ZCRB1: variants seen among roughly 807,000 people sequenced by gnomAD.
The protein encoded by ZCRB1 is zinc finger CCHC-type and RNA binding motif containing 1.
ZCRB1 carries 21 observed loss-of-function variants against 29.9 expected under a neutral mutation model. The observed-to-expected ratio is 0.70, with a 90% confidence interval of 0.50 to 1.01. The LOEUF (loss-of-function observed/expected upper bound fraction) is 1.01. Ranked by LOEUF, ZCRB1 falls within the 50% of genes least tolerant of loss-of-function variation. ZCRB1 has a pLI of 0.00. For synonymous variants in ZCRB1, 77 were observed against 80.0 expected (o/e 0.96, Z 0.20); for missense variants, 204 against 253.3 (o/e 0.81, Z 1.32).
chr12:42,323,637 CTTT>C (rs1225846952), intron 2 of ZCRB1: 7 of 152,654 alleles, frequency 4.6e-5, no homozygotes, highest in South Asian at 3.9e-4. Context: ...ATTTTTTTTT[CTTT>C]TTTTTTTTTG....
chr12:42,321,876 A>AC (rs1480366119), intron 3 of ZCRB1, among the ~76,000 whole-genome samples: 2 of 152,128 alleles, frequency 1.3e-5, no homozygotes, highest in Non-Finnish European at 2.9e-5. Context: ...ATTGTTCCTA[A>AC]CCCTCAGCCC....
intron 3 of ZCRB1, among the ~76,000 whole-genome samples, chr12:42,320,916 C>G (rs185379953): frequency 2.6e-5 from 4 of 152,306 alleles, no homozygotes; most frequent in Admixed American, 6.5e-5. Flanking sequence ...AGATGAGGAA[C>G]CTGCTTCCAT....
intron 1 of ZCRB1, among the ~76,000 whole-genome samples, chr12:42,324,376 G>T (rs2068647459): frequency 6.6e-6 from 1 of 152,074 alleles, no homozygotes; most frequent in Admixed American, 6.5e-5. Flanking sequence ...TTGAACTCCT[G>T]ACCTCAAATG....
rs757235359 is a variant in ZCRB1 at position 42,317,406 on chromosome 12, A to G, written c.267T>C (p.Asn89=). ...RVIKASIAID[N]GRAAEFIRRR... is the part of the protein sequence containing the mutation. Reference sequence around the variant, plus strand: ...TTCGGATGAACTCAGCTGCTCTTCCATTGTCAATAGCAATGCTTGCTTTTA... The same window carrying G: ...TTCGGATGAACTCAGCTGCTCTTCCGTTGTCAATAGCAATGCTTGCTTTTA... Residue 89 remains asparagine (N), a synonymous_variant, in exon 5 of 8, where the codon AAT becomes AAC. Transcript: ENST00000266529. 24 of 1,612,752 alleles carry G rather than the reference A, an allele frequency of 1.5e-5. No individual in the cohort carries two copies. The Admixed American group carries it at 3.3e-4, about 22-fold the overall frequency.
At chr12:42,315,544 A>G (rs1347066569) in intron 5 of ZCRB1, among the ~76,000 whole-genome samples, 1 of 152,216 alleles carries the variant, frequency 6.6e-6, no homozygotes, top group Non-Finnish European at 1.5e-5. Flanking sequence ...CATACTAAAA[A>G]AGGATTTAAT....
chr12:42,322,587 A>C (rs1240345798), intron 2 of ZCRB1, 141 bp from the exon 3 acceptor site: 1 of 869,374 alleles, frequency 1.2e-6, no homozygotes, highest in Non-Finnish European at 1.6e-6. Flanking sequence ...CCCTAGGAAA[A>C]AGTTTTTTTT....
intron 7 of ZCRB1, among the ~76,000 whole-genome samples, chr12:42,313,489 T>A (rs2068579206): frequency 6.6e-6 from 1 of 152,174 alleles, no homozygotes; most frequent in Non-Finnish European, 1.5e-5. Context: ...GTAAGTGTTG[T>A]GGGGCCCTTA....
chr12:42,320,805 T>A (rs1389724701), intron 3 of ZCRB1, among the ~76,000 whole-genome samples: 1 of 152,196 alleles, frequency 6.6e-6, no homozygotes, highest in Non-Finnish European at 1.5e-5. Context: ...GAATAAACTT[T>A]AAAAAATTTA....
At chr12:42,325,243 C>T (rs1189866700) in intron 1 of ZCRB1, 1 of 152,028 alleles carries the variant, frequency 6.6e-6, no homozygotes, top group Non-Finnish European at 1.5e-5. Flanking sequence ...TGGCTGGGTA[C>T]CTTTTTTGCT....
rs1225797347 is a variant in ZCRB1, at chr12:42,312,918, T to C, written c.*149A>G. 7 of 882,974 alleles carry C rather than the reference T, an allele frequency of 7.9e-6. No individual in the cohort carries two copies. Among genetic ancestry groups the C allele is most frequent in the East Asian group, 3.3e-5 (1 of 30,120 alleles). The allele number at this position is 882,974 out of a possible 1,614,324, so 54.7% of individuals were successfully genotyped here. ...GAATAAAGCCCTTATAATGAACTTTTCAAATAAATTTTTAAAATATCTTTT... is the reference window on the plus strand; with the variant it reads ...GAATAAAGCCCTTATAATGAACTTTCCAAATAAATTTTTAAAATATCTTTT... On this transcript the variant is annotated 3_prime_UTR_variant, in exon 8 of 8. Coordinates refer to ENST00000266529, the MANE Select transcript of ZCRB1 (RefSeq NM_033114.4).
Position 42,324,027 on chromosome 12 carries a change from A to T in ZCRB1, c.76T>A (p.Leu26Met). The T allele has an allele frequency of 6.2e-7, 1 of 1,613,844 alleles. No individual in the cohort carries two copies. Among genetic ancestry groups the T allele is most frequent in the Middle Eastern group, 1.6e-4 (1 of 6,062 alleles). The stretch of plus-strand genomic sequence containing the variant: ...CGATAAGATTTACTTACCCGGTACA[A>T]GTCATTGTTTGTCAGGGAAAAAGGC... The part of the protein sequence containing the change: ...NLPFSLTNND[L>M]YRIFSKYGKV... The change falls in exon 2 of 8, where the codon TTG becomes ATG. Residue 26 changes from leucine (L) to methionine (M), a missense_variant. Physicochemically the swap from Leu to Met is conservative, Grantham distance 15. Coordinates refer to ENST00000266529, the MANE Select transcript of ZCRB1 (RefSeq NM_033114.4).
In ZCRB1 at chr12:42,313,207, C is replaced by A; in HGVS notation, c.523-9G>T. 1 of 1,596,056 alleles carries A rather than the reference C, an allele frequency of 6.3e-7. No individual in the cohort carries two copies. The highest frequency in any genetic ancestry group is 1.8e-5 in the Admixed American group (1 of 56,134). On this transcript the variant is annotated splice_polypyrimidine_tract_variant and intron_variant, in intron 7 of 7. Transcript: ENST00000266529. ...TCTTCAATTTTGGCTTGCTGTGATT[C>A]AAAAAACAAAACAAAACCAATAACC...
intron 1 of ZCRB1, among the ~76,000 whole-genome samples, chr12:42,325,065 T>C (rs1260902741): frequency 6.6e-6 from 1 of 152,210 alleles, no homozygotes; most frequent in South Asian, 2.1e-4. Flanking sequence ...CATGTTAATG[T>C]AGTGAATAAT....
intron 5 of ZCRB1, 149 bp from the exon 6 acceptor site, chr12:42,314,135 C>A (rs2068583083): frequency 1.4e-6 from 1 of 712,242 alleles, no homozygotes; most frequent in Admixed American, 3.5e-5. Context: ...AATGATAAAA[C>A]CCAGTACTTT....
In ZCRB1 at chr12:42,317,439, A is replaced by G; in HGVS notation, c.234T>C (p.Gly78=). ...TAGCAATGCTTGCTTTTATCACTCT[A>G]CCAAATAACTAAACAAGAGAAAAAT... ...TRAINNKQLF[G]RVIKASIAID... The change falls in exon 5 of 8, where the codon GGT becomes GGC. Residue 78 remains glycine (G), a synonymous_variant. Transcript: ENST00000266529. The G allele has an allele frequency of 6.2e-7, 1 of 1,601,170 alleles. No homozygotes were observed. The highest frequency in any genetic ancestry group is 8.5e-7 in the Non-Finnish European group (1 of 1,175,522).
In ZCRB1 at chr12:42,317,420, T is replaced by G; in HGVS notation, c.253A>C (p.Ile85Leu). ...GCTGCTCTTCCATTGTCAATAGCAA[T>G]GCTTGCTTTTATCACTCTACCAAAT... Reference protein sequence around the residue: ...QLFGRVIKASIAIDNGRAAEF... With the variant: ...QLFGRVIKASLAIDNGRAAEF... Residue 85 changes from isoleucine to leucine, a missense_variant, in exon 5 of 8, where the codon ATT (isoleucine) becomes CTT (leucine). Coordinates refer to ENST00000266529, the MANE Select transcript of ZCRB1 (RefSeq NM_033114.4). The G allele has an allele frequency of 6.2e-7, 1 of 1,611,196 alleles. No individual in the cohort carries two copies. Among genetic ancestry groups the G allele is most frequent in the Non-Finnish European group, 8.5e-7 (1 of 1,179,114 alleles).
intron 5 of ZCRB1, among the ~76,000 whole-genome samples, chr12:42,316,786 C>CTT (rs2068596710): frequency 1.3e-5 from 2 of 152,154 alleles, no homozygotes; most frequent in African/African-American, 4.8e-5. Flanking sequence ...AGTAATCAGT[C>CTT]TAACACTTTT....
intron 3 of ZCRB1, among the ~76,000 whole-genome samples, chr12:42,321,358 G>A (rs1286921171): frequency 6.6e-6 from 1 of 152,188 alleles, no homozygotes; most frequent in Non-Finnish European, 1.5e-5. Flanking sequence ...TAGCTAGCAA[G>A]ATGACCTTAG....
chr12:42,312,978 G>A lies in ZCRB1; in HGVS notation c.*89C>T. On this transcript the variant is annotated 3_prime_UTR_variant, in exon 8 of 8. Transcript: ENST00000266529. ...TGACAATAATAGTATTAACATGATA[G>A]TATTAATTTTTCTTATTTTTATTAA... is the stretch of plus-strand genomic sequence containing the variant. 1 of 1,248,128 alleles carries A rather than the reference G, an allele frequency of 8.0e-7. No individual in the cohort carries two copies. The allele number at this position is 1,248,128 out of a possible 1,614,324, so 77.3% of individuals were successfully genotyped here. A position where few individuals can be genotyped will look rare whatever the true frequency, so the allele number is the denominator to read the frequency against.
Sources: gnomAD v4.1 joint callset for allele counts (sites outside exome capture counted in the v4.1 genomes callset) on GRCh38, gnomAD v4.1.1 for gene constraint, MANE v1.5 for transcripts, NCBI Gene and HGNC (gene_info 2026-07-23, HGNC 2026-07-21) for gene names.